The following KATNIP variants were observed in gnomAD, a reference collection of about 807,000 sequenced individuals.
KATNIP encodes katanin-interacting protein.
KATNIP carries 126 observed loss-of-function variants against 174.0 expected under a neutral mutation model. The observed-to-expected ratio is 0.72, with a 90% CI of 0.63 to 0.84. The LOEUF (loss-of-function observed/expected upper bound fraction) is 0.84, where lower values mean the gene tolerates loss of function less well. Among genes scored for constraint, KATNIP ranks in the 40% least tolerant of loss-of-function variants. KATNIP has a pLI of 0.00. For synonymous variants in KATNIP, 810 were observed against 835.7 expected (o/e 0.97, Z 0.53); for missense variants, 1,958 against 2,109.7 (o/e 0.93, Z 1.41).
chr16:27,650,431 C>T (rs761989091), intron 6 of KATNIP, among the ~76,000 whole-genome samples: 59 of 152,300 alleles, frequency 3.9e-4, no homozygotes, highest in Non-Finnish European at 5.6e-4. Flanking sequence ...ACATCATCTC[C>T]ATAGTTATGT....
At chr16:27,720,810 G>A (rs2080198430) in intron 13 of KATNIP, among the ~76,000 whole-genome samples, 1 of 152,216 alleles carries the variant, frequency 6.6e-6, no homozygotes, top group African/African-American at 2.4e-5. Flanking sequence ...GGGAGCAGCT[G>A]TGAGTTTTGT....
At chr16:27,710,927 T>C (rs2079546351) in intron 13 of KATNIP, among the ~76,000 whole-genome samples, 1 of 152,140 alleles carries the variant, frequency 6.6e-6, no homozygotes, top group African/African-American at 2.4e-5. Context: ...GAGACCCAGA[T>C]TCTGGTCTTG....
chr16:27,760,366 CA>C (rs1384289006), intron 18 of KATNIP, among the ~76,000 whole-genome samples: 1 of 152,164 alleles, frequency 6.6e-6, no homozygotes, highest in Non-Finnish European at 1.5e-5. Context: ...AATTATCTGA[CA>C]GGGCTTGATC....
At chr16:27,596,635 A>C (rs1044738991) in intron 2 of KATNIP, among the ~76,000 whole-genome samples, 2 of 152,128 alleles carry the variant, frequency 1.3e-5, no homozygotes, top group African/African-American at 4.8e-5. Flanking sequence ...GGTAGCTCAC[A>C]CTGTTTTGCA....
chr16:27,717,309 G>A (rs966030858), intron 13 of KATNIP, among the ~76,000 whole-genome samples: 4 of 152,152 alleles, frequency 2.6e-5, no homozygotes, highest in African/African-American at 4.8e-5. Context: ...TGAGGGCAGC[G>A]CAGTATCTCC....
chr16:27,585,237 C>G (rs2090849905), intron 2 of KATNIP, among the ~76,000 whole-genome samples: 1 of 152,162 alleles, frequency 6.6e-6, no homozygotes, highest in African/African-American at 2.4e-5. Flanking sequence ...GAGATATCAT[C>G]TCATCCCAGT....
chr16:27,709,943 G>A (rs1269551121), intron 13 of KATNIP, among the ~76,000 whole-genome samples: 1 of 152,190 alleles, frequency 6.6e-6, no homozygotes, highest in African/African-American at 2.4e-5. Flanking sequence ...CAGCTGGAAG[G>A]TAGTGGAGCC....
intron 2 of KATNIP, among the ~76,000 whole-genome samples, chr16:27,589,085 T>G (rs1285066073): frequency 2.0e-5 from 3 of 151,174 alleles, no homozygotes. Context: ...TTTTTTTTTT[T>G]AGTAGAGACA....
intron 13 of KATNIP, among the ~76,000 whole-genome samples, chr16:27,715,922 T>C (rs2079912075): frequency 6.6e-6 from 1 of 151,752 alleles, no homozygotes; most frequent in South Asian, 2.1e-4. Flanking sequence ...ACCCATGACC[T>C]AGCAATTCCA....
intron 2 of KATNIP, among the ~76,000 whole-genome samples, chr16:27,593,446 C>T (rs1000021349): frequency 1.3e-5 from 2 of 152,070 alleles, no homozygotes; most frequent in Non-Finnish European, 2.9e-5. Flanking sequence ...CCATATTGAT[C>T]AGGCTGGTCT....
intron 8 of KATNIP, among the ~76,000 whole-genome samples, chr16:27,691,820 C>T (rs568138048): frequency 2.4e-4 from 37 of 152,318 alleles, no homozygotes; most frequent in Admixed American, 2.0e-3. Context: ...CGCTCAGGGG[C>T]AAAAGGGTCT....
At chr16:27,577,892 TAAATA>T (rs887987200) in intron 2 of KATNIP, among the ~76,000 whole-genome samples, 7 of 151,902 alleles carry the variant, frequency 4.6e-5, no homozygotes, top group African/African-American at 1.2e-4. Flanking sequence ...TTTTTTTTAA[TAAATA>T]AAATAAAAGT....
chr16:27,670,029 A>G (rs1165393357), intron 6 of KATNIP, among the ~76,000 whole-genome samples: 1 of 152,180 alleles, frequency 6.6e-6, no homozygotes, highest in African/African-American at 2.4e-5. Context: ...TTAAATTTCC[A>G]TTAATTTAAA....
At chr16:27,690,363 T>TGATAGATAGATAGATA (rs200443119) in intron 8 of KATNIP, among the ~76,000 whole-genome samples, 29 of 90,972 alleles carry the variant, frequency 3.2e-4, no homozygotes, top group African/African-American at 1.4e-3. Flanking sequence ...GATAGATAGA[T>TGATAGATAGATAGATA]GATAGATAGA....
chr16:27,773,982 G>T (rs2082403620), intron 23 of KATNIP, among the ~76,000 whole-genome samples: 1 of 152,202 alleles, frequency 6.6e-6, no homozygotes, highest in African/African-American at 2.4e-5. Flanking sequence ...GAGACACAGA[G>T]AGATTGAGTA....
At chr16:27,617,890 C>A (rs189114634) in intron 2 of KATNIP, among the ~76,000 whole-genome samples, 1 of 152,044 alleles carries the variant, frequency 6.6e-6, no homozygotes, top group African/African-American at 2.4e-5. Flanking sequence ...GCATGCACCA[C>A]CCAGGCCTGG....
intron 6 of KATNIP, among the ~76,000 whole-genome samples, chr16:27,662,530 G>A (rs985305523): frequency 1.3e-5 from 2 of 152,066 alleles, no homozygotes; most frequent in Non-Finnish European, 2.9e-5. Flanking sequence ...AAGCTGAGCA[G>A]GAATAATTTG....
intron 10 of KATNIP, 161 bp from the exon 11 acceptor site, chr16:27,701,428 A>T (rs2079094109): frequency 1.6e-6 from 1 of 606,100 alleles, no homozygotes; most frequent in Admixed American, 2.9e-5. Flanking sequence ...GGGGTTCTAG[A>T]TAGAAGCTCC....
chr16:27,660,116 C>A (rs1390511533), intron 6 of KATNIP: 5 of 591,560 alleles, frequency 8.5e-6, no homozygotes, highest in Non-Finnish European at 1.1e-5. Context: ...CATTCTGGGG[C>A]CTTGGCTAAG....
Sources: gnomAD v4.1 joint callset for allele counts (sites outside exome capture counted in the v4.1 genomes callset) on GRCh38, gnomAD v4.1.1 for gene constraint, MANE v1.5 for transcripts, NCBI Gene and HGNC (gene_info 2026-07-23, HGNC 2026-07-21) for gene names.